Variants in C12orf42 observed in about 807,000 individuals in gnomAD.
The protein encoded by C12orf42 is uncharacterized protein C12orf42.
In C12orf42, 25 loss-of-function variants were observed where a neutral mutation model predicts 21.6. The observed-to-expected ratio is 1.16, with a 90% CI of 0.84 to 1.62. C12orf42 has a LOEUF of 1.62. Ranked by LOEUF, C12orf42 falls within the 40% of genes most tolerant of loss-of-function variation. C12orf42 has a pLI of 0.00. For missense variants in C12orf42, 483 were observed against 459.3 expected (o/e 1.05, Z -0.47); for synonymous variants, 174 against 175.0 (o/e 0.99, Z 0.05).
At chr12:103,506,016 T>A in the C12orf42 span, 1 of 207,080 alleles carries the variant, frequency 4.8e-6, no homozygotes, top group Non-Finnish European at 9.6e-6. Context: ...TTGTACACAG[T>A]CTCCTTCTGT....
the C12orf42 span, among the ~76,000 whole-genome samples, chr12:103,211,763 T>G: frequency 1.3e-5 from 2 of 152,192 alleles, no homozygotes; most frequent in Non-Finnish European, 2.9e-5. Flanking sequence ...TGGGAAACAG[T>G]AAATGCTTAT....
chr12:103,056,249 A>G, the C12orf42 span, among the ~76,000 whole-genome samples: 3 of 152,100 alleles, frequency 2.0e-5, no homozygotes, highest in Non-Finnish European at 4.4e-5. Flanking sequence ...TAGGCTTGCT[A>G]TGCCATCTTT....
the C12orf42 span, among the ~76,000 whole-genome samples, chr12:103,095,846 G>A: frequency 1.3e-5 from 2 of 152,144 alleles, no homozygotes; most frequent in African/African-American, 4.8e-5. Flanking sequence ...GGTTCCTGAT[G>A]TGAGGTCTCT....
chr12:103,300,485 A>T (rs1302487232), downstream of C12orf42, among the ~76,000 whole-genome samples: 1 of 152,198 alleles, frequency 6.6e-6, no homozygotes, highest in Non-Finnish European at 1.5e-5. Context: ...TGAATTCTGA[A>T]CAGGATCTCT....
intron 3 of C12orf42, among the ~76,000 whole-genome samples, chr12:103,371,516 A>C (rs2045233768): frequency 6.6e-6 from 1 of 152,118 alleles, no homozygotes; most frequent in Non-Finnish European, 1.5e-5. Flanking sequence ...CTTGATATTG[A>C]GTAAAGTCTT....
chr12:103,241,697 T>C (rs2033754709), intron 10 of C12orf42, among the ~76,000 whole-genome samples: 1 of 152,186 alleles, frequency 6.6e-6, no homozygotes, highest in Non-Finnish European at 1.5e-5. Context: ...ATTCATTTGA[T>C]AAATATTCTC....
the C12orf42 span, among the ~76,000 whole-genome samples, chr12:103,542,784 C>G: frequency 1.3e-5 from 2 of 152,198 alleles, no homozygotes; most frequent in Non-Finnish European, 2.9e-5. Flanking sequence ...TTTCTCCCTC[C>G]AAATATCACC....
At chr12:103,519,742 C>T in the C12orf42 span, among the ~76,000 whole-genome samples, 1 of 152,160 alleles carries the variant, frequency 6.6e-6, no homozygotes. Context: ...TCTACCCCTC[C>T]AACCCATTTC....
chr12:103,511,148 A>G, the C12orf42 span, among the ~76,000 whole-genome samples: 3 of 152,172 alleles, frequency 2.0e-5, no homozygotes, highest in Non-Finnish European at 2.9e-5. Context: ...AATTTCACTT[A>G]CCCAAGATGC....
chr12:103,429,502 C>T (rs1950105285), intron 2 of C12orf42, among the ~76,000 whole-genome samples: 1 of 152,214 alleles, frequency 6.6e-6, no homozygotes, highest in Non-Finnish European at 1.5e-5. Flanking sequence ...AGTCCATGCT[C>T]ATGGATAGGA....
chr12:103,310,534 T>C (rs1259744724), intron 4 of C12orf42, among the ~76,000 whole-genome samples: 1 of 152,248 alleles, frequency 6.6e-6, no homozygotes, highest in African/African-American at 2.4e-5. Flanking sequence ...ACAACTGTTC[T>C]TGGAATCATC....
chr12:103,508,000 T>A, the C12orf42 span, among the ~76,000 whole-genome samples: 1 of 152,144 alleles, frequency 6.6e-6, no homozygotes. Flanking sequence ...TGCAGGGGAA[T>A]CTGGGCCCTC....
intron 4 of C12orf42, among the ~76,000 whole-genome samples, chr12:103,354,950 T>C (rs1050341355): frequency 6.6e-6 from 1 of 152,138 alleles, no homozygotes; most frequent in Non-Finnish European, 1.5e-5. Flanking sequence ...GTTTGAGTGA[T>C]GGATAAGCTA....
intron 3 of C12orf42, among the ~76,000 whole-genome samples, chr12:103,369,232 T>C (rs1000489978): frequency 6.6e-6 from 1 of 152,134 alleles, no homozygotes; most frequent in African/African-American, 2.4e-5. Flanking sequence ...TAATTATTTG[T>C]TCTTTGAAAA....
chr12:103,145,320 C>A, the C12orf42 span, among the ~76,000 whole-genome samples: 1 of 151,950 alleles, frequency 6.6e-6, no homozygotes, highest in East Asian at 1.9e-4. Context: ...GTTCAGTTGC[C>A]CTTTGTCAAT....
At chr12:103,289,237 C>G (rs1219540708) in intron 4 of C12orf42, among the ~76,000 whole-genome samples, 3 of 150,406 alleles carry the variant, frequency 2.0e-5, no homozygotes, top group Admixed American at 6.6e-5. Context: ...CTGTGTAGAT[C>G]TAATTCATCA....
chr12:103,361,571 G>C (rs1331461521), intron 4 of C12orf42, among the ~76,000 whole-genome samples: 18 of 151,990 alleles, frequency 1.2e-4, no homozygotes, highest in Admixed American at 1.2e-3. Flanking sequence ...AGGCAGGGAG[G>C]TGCAAAAGCC....
chr12:103,081,958 G>C, the C12orf42 span, among the ~76,000 whole-genome samples: 52 of 152,112 alleles, frequency 3.4e-4, no homozygotes, highest in African/African-American at 1.3e-3. Flanking sequence ...CAAATGTATT[G>C]TCTCTCCTCT....
At chr12:103,267,939 T>C (rs1439185980), downstream of C12orf42, 6 of 152,298 alleles carry the variant, frequency 3.9e-5, no homozygotes, top group East Asian at 1.2e-3. Context: ...GATGAATAAA[T>C]AGTCCTTCCT....
Sources: gnomAD v4.1 joint callset for allele counts (sites outside exome capture counted in the v4.1 genomes callset) on GRCh38, gnomAD v4.1.1 for gene constraint, MANE v1.5 for transcripts, NCBI Gene and HGNC (gene_info 2026-07-23, HGNC 2026-07-21) for gene names.